Variants in INTS7 observed in about 807,000 individuals in gnomAD.
INTS7 encodes the protein integrator complex subunit 7.
INTS7 carries 46 observed loss-of-function variants against 109.2 expected under a neutral mutation model. The ratio of observed to expected loss-of-function variants is 0.42; its 90% CI spans 0.33 to 0.54. The LOEUF is 0.54. Ranked by LOEUF, INTS7 falls within the 20% of genes least tolerant of loss-of-function variation. INTS7 has a pLI of 0.07. For synonymous variants in INTS7, 412 were observed against 402.9 expected, an observed-to-expected ratio of 1.02 and a Z score of -0.27; for missense variants, 929 against 1,132.4, an observed-to-expected ratio of 0.82 and a Z score of 2.58.
At chr1:211,978,767 A>G (rs1247604008) in intron 10 of INTS7, among the ~76,000 whole-genome samples, 1 of 152,254 alleles carries the variant, frequency 6.6e-6, no homozygotes, top group East Asian at 1.9e-4. Context: ...CTTTTAAGAA[A>G]GATGGAAATC....
chr1:211,985,342 C>T (rs1224203328), intron 8 of INTS7, among the ~76,000 whole-genome samples: 1 of 152,048 alleles, frequency 6.6e-6, no homozygotes, highest in Non-Finnish European at 1.5e-5. Flanking sequence ...TTTAAGTTTG[C>T]TTTTTAAACT....
chr1:211,944,694 A>G (rs966981652), intron 19 of INTS7, 90 bp downstream of exon 19: 1 of 1,050,822 alleles, frequency 9.5e-7, no homozygotes, highest in African/African-American at 1.6e-5. Flanking sequence ...GTATAACTGC[A>G]ATCTATTTAA....
At chr1:212,016,755 C>A in intron 4 of INTS7, 131 bp downstream of exon 4, 1 of 696,896 alleles carries the variant, frequency 1.4e-6, no homozygotes, top group South Asian at 2.0e-5. Context: ...GGTAAACCTT[C>A]TTGGAAAACA....
In INTS7 at chr1:212,006,858, TC is replaced by T. The variant is rs1379332019; in HGVS notation, c.757-98del. 1.1e-5 allele frequency: 11 copies of T among 972,078 alleles called. No homozygotes were observed. The Admixed American group carries it at 1.2e-4, about 11-fold the overall frequency. The allele number at this position is 972,078 out of a possible 1,614,324, so 60.2% of individuals were successfully genotyped here. ...AGTGAAACTTATAAAGGGACAGGAC[TC>T]ACTTCAAATCAGAGCCCTGTCACTC... On this transcript the variant is annotated intron_variant, in intron 6 of 19. Coordinates refer to ENST00000366994, the MANE Select transcript of INTS7 (RefSeq NM_015434.4).
intron 13 of INTS7, among the ~76,000 whole-genome samples, chr1:211,972,788 C>T (rs540694960): frequency 2.0e-5 from 3 of 152,240 alleles, no homozygotes; most frequent in African/African-American, 4.8e-5. Context: ...AACCAGGTTC[C>T]ACAAGTTCTT....
At chr1:211,971,975 A>C (rs1664200811) in intron 13 of INTS7, among the ~76,000 whole-genome samples, 1 of 151,814 alleles carries the variant, frequency 6.6e-6, no homozygotes, top group Admixed American at 6.6e-5. Context: ...ATTATAAAGA[A>C]AGGCAATGGA....
chr1:211,955,676 T>C (rs573724950), intron 16 of INTS7, among the ~76,000 whole-genome samples: 1 of 152,264 alleles, frequency 6.6e-6, no homozygotes, highest in Non-Finnish European at 1.5e-5. Flanking sequence ...ATGCCTACTA[T>C]GTACAAGGCA....
intron 2 of INTS7, 29 bp from the exon 3 acceptor site, chr1:212,020,297 CT>C: frequency 7.3e-7 from 1 of 1,378,668 alleles, no homozygotes; most frequent in Non-Finnish European, 9.9e-7. Flanking sequence ...AATTAGGTCA[CT>C]TTAGAAAGTA....
Position 211,946,554 on chromosome 1 carries a change from G to A in INTS7, c.2415+53C>T. The A allele has an allele frequency of 7.7e-6, 8 of 1,044,494 alleles. No individual in the cohort carries two copies. The South Asian group carries it at 1.1e-4, about 14-fold the overall frequency. The allele number at this position is 1,044,494 out of a possible 1,614,324, so 64.7% of individuals were successfully genotyped here. On this transcript the variant is annotated intron_variant, in intron 18 of 19. Coordinates refer to ENST00000366994, the MANE Select transcript of INTS7 (RefSeq NM_015434.4). This position sits in a 1 kb window ranked among gnomAD's most constrained non-coding sequence, Gnocchi z 4.3. The stretch of plus-strand genomic sequence containing the variant: ...GTAGCTATGTCCTACATAATCTTCA[G>A]AAGACACCTGGTTTTAAAACCTATA...
chr1:211,983,449 A>G (rs893735826), intron 8 of INTS7, among the ~76,000 whole-genome samples: 1 of 152,208 alleles, frequency 6.6e-6, no homozygotes, highest in Non-Finnish European at 1.5e-5. Flanking sequence ...TCCATGCTAT[A>G]GATTGCAGCA....
chr1:211,989,380 T>G (rs1030028162), intron 7 of INTS7, among the ~76,000 whole-genome samples: 3 of 135,292 alleles, frequency 2.2e-5, no homozygotes, highest in Non-Finnish European at 4.6e-5. Flanking sequence ...TATATCCCTG[T>G]TTTTTTTTTT....
In INTS7 at chr1:211,941,969, C is replaced by T. The variant is rs927313024; in HGVS notation, c.2744G>A (p.Gly915Asp). The T allele has an allele frequency of 6.2e-7, 1 of 1,614,164 alleles. No individual in the cohort carries two copies. Among genetic ancestry groups the T allele is most frequent in the Admixed American group, 1.7e-5 (1 of 60,020 alleles). ...TVESSVKDAN[G>D]IVWKTGPRTT... The stretch of plus-strand genomic sequence containing the variant: ...TCTGGGACCAGTCTTCCATACTATA[C>T]CATTGGCATCTTTCACAGAAGATTC... The change falls in exon 20 of 20, where the codon GGT (glycine) becomes GAT (aspartate). Residue 915 changes from glycine (G) to aspartate (D), a missense_variant. Gly to Asp is a moderately conservative substitution (Grantham distance 94, BLOSUM62 -1). This residue lies in a region of INTS7 where 787 missense variants were observed against 901.1 expected (regional missense o/e 0.87). Coordinates refer to ENST00000366994, the MANE Select transcript of INTS7 (RefSeq NM_015434.4).
intron 16 of INTS7, among the ~76,000 whole-genome samples, chr1:211,953,734 C>T (rs927703422): frequency 6.6e-6 from 1 of 151,424 alleles, no homozygotes; most frequent in African/African-American, 2.4e-5. Flanking sequence ...ATGAACTCAT[C>T]ATTTTTTATG....
At chr1:212,030,760 G>A (rs1349336150) in intron 1 of INTS7, 1 of 152,136 alleles carries the variant, frequency 6.6e-6, no homozygotes, top group Non-Finnish European at 1.5e-5. Flanking sequence ...GGCTGCTGAG[G>A]CCTTTCTCTT....
intron 1 of INTS7, chr1:212,025,576 T>G (rs963590397): frequency 5.8e-6 from 1 of 172,276 alleles, no homozygotes; most frequent in Non-Finnish European, 1.3e-5. Context: ...CTTTTAAGGT[T>G]GATGTGGTGC....
intron 10 of INTS7, among the ~76,000 whole-genome samples, chr1:211,979,157 T>A (rs1245255738): frequency 1.3e-5 from 2 of 152,228 alleles, no homozygotes; most frequent in Non-Finnish European, 2.9e-5. Flanking sequence ...CACTTTTACA[T>A]AGCTAACAGA....
At chr1:212,017,766 A>G (rs1666503809) in intron 3 of INTS7, among the ~76,000 whole-genome samples, 1 of 152,218 alleles carries the variant, frequency 6.6e-6, no homozygotes, top group South Asian at 2.1e-4. Flanking sequence ...AACATCCTAA[A>G]TAACCTTCCA....
At position 211,991,819 on chromosome 1, in the gene INTS7, G is replaced by C. The variant is rs1004296323; in HGVS notation, c.880-3816C>G. The stretch of plus-strand genomic sequence containing the variant: ...CCATGGACTCAACTTGGAAGAAAAA[G>C]GGCAGTGAAGAATACAGAGAAGGTG... On this transcript the variant is annotated intron_variant, in intron 7 of 19. Transcript: ENST00000366994. 3.3e-5 allele frequency among the ~76,000 whole-genome samples: 5 copies of C among 152,298 alleles called. No homozygotes were observed. The South Asian group carries it at 6.2e-4, about 19-fold the overall frequency.
intron 13 of INTS7, among the ~76,000 whole-genome samples, chr1:211,973,882 GACCCACCC>G (rs1329112571): frequency 6.6e-6 from 1 of 152,108 alleles, no homozygotes; most frequent in East Asian, 1.9e-4. Flanking sequence ...GAGGCCCAAT[GACCCACCC>G]AAAGTCACGC....
Sources: allele counts gnomAD v4.1 joint callset (sites outside exome capture counted in the v4.1 genomes callset), GRCh38; gene constraint gnomAD v4.1.1; regional missense constraint gnomAD v4.1.1; non-coding constraint Gnocchi (gnomAD v3.1); transcripts MANE v1.5; gene names NCBI Gene and HGNC (gene_info 2026-07-23, HGNC 2026-07-21).